The following PPP1CB variants were observed in gnomAD, a reference collection of about 807,000 sequenced individuals.
The protein encoded by PPP1CB is serine/threonine-protein phosphatase PP1-beta catalytic subunit.
In PPP1CB, 2 loss-of-function variants were observed where a neutral mutation model predicts 43.7. That is an observed-to-expected ratio of 0.05 (90% confidence interval 0.02 to 0.14). The LOEUF is 0.14. Among genes scored for constraint, PPP1CB ranks in the 10% least tolerant of loss-of-function variants. PPP1CB has a pLI of 1.00. For missense variants in PPP1CB, 84 were observed against 398.0 expected, an observed-to-expected ratio of 0.21 and a Z score of 6.71; for synonymous variants, 136 against 135.6, an observed-to-expected ratio of 1.00 and a Z score of -0.02.
chr2:28,778,713 G>A, intron 2 of PPP1CB, 96 bp from the exon 3 acceptor site: 2 of 754,650 alleles, frequency 2.7e-6, no homozygotes, highest in East Asian at 2.6e-5. Context: ...CAAGGGTAGG[G>A]GAGGATTACA....
At chr2:28,766,295 T>C (rs1202125354) in intron 1 of PPP1CB, among the ~76,000 whole-genome samples, 1 of 152,216 alleles carries the variant, frequency 6.6e-6, no homozygotes, top group Non-Finnish European at 1.5e-5. Flanking sequence ...CTTTTATTAC[T>C]AACAAATAGT....
chr2:28,764,775 G>T (rs926762583), intron 1 of PPP1CB, among the ~76,000 whole-genome samples: 3 of 152,062 alleles, frequency 2.0e-5, no homozygotes, highest in Non-Finnish European at 4.4e-5. Context: ...CAAAAAATTA[G>T]CTGGGCATGG....
Position 28,783,983 on chromosome 2 carries a change from G to A in PPP1CB, c.592+5G>A. 1.3e-6 allele frequency: 2 copies of A among 1,596,090 alleles called. No individual in the cohort carries two copies. The highest frequency in any genetic ancestry group is 1.7e-6 in the Non-Finnish European group (2 of 1,164,290). ...CTACTGATGTCCCTGATACAGGTAAGTGTAGAGAGAAGTTTAATTGTTTTG... is the reference window on the plus strand; with the variant it reads ...CTACTGATGTCCCTGATACAGGTAAATGTAGAGAGAAGTTTAATTGTTTTG... On this transcript the variant is annotated splice_donor_5th_base_variant and intron_variant, in intron 5 of 7. Coordinates refer to ENST00000395366, the MANE Select transcript of PPP1CB (RefSeq NM_002709.3).
intron 2 of PPP1CB, 34 bp from the exon 3 acceptor site, chr2:28,778,775 C>T (rs1667090197): frequency 7.1e-7 from 1 of 1,414,168 alleles, no homozygotes; most frequent in Admixed American, 1.7e-5. Flanking sequence ...TAACAGTAAC[C>T]AATTTTTCTA....
At chr2:28,794,473 G>C (rs1379135037) in intron 7 of PPP1CB, among the ~76,000 whole-genome samples, 1 of 152,136 alleles carries the variant, frequency 6.6e-6, no homozygotes. Context: ...GGCGGATCAT[G>C]AGGTCAGGTG....
intron 1 of PPP1CB, among the ~76,000 whole-genome samples, chr2:28,757,872 C>T (rs1666528948): frequency 1.3e-5 from 2 of 151,402 alleles, no homozygotes; most frequent in Admixed American, 1.3e-4. Context: ...GATGAAGATT[C>T]GTTGGGATTT....
chr2:28,791,007 G>T (rs1442606078), intron 6 of PPP1CB, among the ~76,000 whole-genome samples: 1 of 152,172 alleles, frequency 6.6e-6, no homozygotes, highest in East Asian at 1.9e-4. Flanking sequence ...ACTTGTTTTT[G>T]AATCTCTGTT....
chr2:28,762,532 G>C (rs1666680105), intron 1 of PPP1CB, among the ~76,000 whole-genome samples: 1 of 152,116 alleles, frequency 6.6e-6, no homozygotes, highest in African/African-American at 2.4e-5. Flanking sequence ...AGAAAAAGGA[G>C]GAGTAGTTTA....
At chr2:28,795,408 C>T (rs531765607) in intron 7 of PPP1CB, among the ~76,000 whole-genome samples, 49 of 152,312 alleles carry the variant, frequency 3.2e-4, no homozygotes, top group African/African-American at 7.9e-4. Context: ...CTGCTTTCCA[C>T]GGTGGCTGAA....
At chr2:28,760,155 A>G (rs544989783) in intron 1 of PPP1CB, among the ~76,000 whole-genome samples, 1 of 152,336 alleles carries the variant, frequency 6.6e-6, no homozygotes, top group African/African-American at 2.4e-5. Flanking sequence ...CAAAAGTTTA[A>G]AAAGTGAAAA....
At chr2:28,795,881 A>G (rs1016542882) in intron 7 of PPP1CB, among the ~76,000 whole-genome samples, 1 of 152,176 alleles carries the variant, frequency 6.6e-6, no homozygotes, top group Non-Finnish European at 1.5e-5. Context: ...GACAGTGTCC[A>G]GAATGGTATT....
At chr2:28,754,375 A>G (rs1359268897) in intron 1 of PPP1CB, among the ~76,000 whole-genome samples, 1 of 151,742 alleles carries the variant, frequency 6.6e-6, no homozygotes, top group Non-Finnish European at 1.5e-5. Context: ...ATTGTAGTCC[A>G]GATACGTTTC....
In PPP1CB at chr2:28,802,068, T is replaced by G. The variant is rs982435384; in HGVS notation, c.*2765T>G. On this transcript the variant is annotated 3_prime_UTR_variant, in exon 8 of 8. Coordinates refer to ENST00000395366, the MANE Select transcript of PPP1CB (RefSeq NM_002709.3). ...GAAATGATTTTTTTTAGCTGAAAAA[T>G]GCTGGCAAGAAGAATTTTAAAGCTT... is the stretch of plus-strand genomic sequence containing the variant. 1 of 152,102 alleles carries G rather than the reference T, an allele frequency of 6.6e-6. No individual in the cohort carries two copies. Among genetic ancestry groups the G allele is most frequent in the Non-Finnish European group, 1.5e-5 (1 of 68,008 alleles). 9.4% of individuals were successfully genotyped at this position (152,102 alleles called of 1,614,324 possible).
chr2:28,780,544 A>G (rs1212648279), intron 3 of PPP1CB, among the ~76,000 whole-genome samples: 4 of 152,242 alleles, frequency 2.6e-5, no homozygotes, highest in Non-Finnish European at 4.4e-5. Context: ...TCCTAAAGCT[A>G]CATCAGAAAT....
chr2:28,770,862 A>G (rs1251293618), intron 1 of PPP1CB, among the ~76,000 whole-genome samples: 1 of 152,220 alleles, frequency 6.6e-6, no homozygotes, highest in Non-Finnish European at 1.5e-5. Context: ...TTTGAAAGAA[A>G]TGACATCACA....
chr2:28,796,709 A>G (rs1667503960), intron 7 of PPP1CB, among the ~76,000 whole-genome samples: 1 of 152,138 alleles, frequency 6.6e-6, no homozygotes, highest in Non-Finnish European at 1.5e-5. Flanking sequence ...GTATAGAATC[A>G]TTATCGTCAG....
Position 28,800,226 on chromosome 2 carries a change from C to CTTTCTT in PPP1CB, c.*926_*927insCTTTTT, listed in dbSNP as rs1553312779. On this transcript the variant is annotated 3_prime_UTR_variant, in exon 8 of 8. Coordinates refer to ENST00000395366, the MANE Select transcript of PPP1CB (RefSeq NM_002709.3). ...TTGGTTTTCTTTTTCTTTTTTCTTT[C>CTTTCTT]TTTTTTTTTTTTTTTTTTTTTTTGA... 1.5e-5 allele frequency: 1 copy of CTTTCTT among 65,628 alleles called. No homozygotes were observed. Among genetic ancestry groups the CTTTCTT allele is most frequent in the African/African-American group, 6.3e-5 (1 of 15,760 alleles). The allele number at this position is 65,628 out of a possible 1,614,324, so 4.1% of individuals were successfully genotyped here. A position where few individuals can be genotyped will look rare whatever the true frequency, so the allele number is the denominator to read the frequency against.
chr2:28,771,668 A>G (rs1014031126), intron 1 of PPP1CB, among the ~76,000 whole-genome samples: 1 of 152,214 alleles, frequency 6.6e-6, no homozygotes, highest in Non-Finnish European at 1.5e-5. Flanking sequence ...TGCTGAATCA[A>G]CTGGGTATCT....
chr2:28,752,006 G>C lies in PPP1CB; in HGVS notation c.-119G>C. On this transcript the variant is annotated 5_prime_UTR_variant, in exon 1 of 8. Coordinates refer to ENST00000395366, the MANE Select transcript of PPP1CB (RefSeq NM_002709.3). The stretch of plus-strand genomic sequence containing the variant: ...GAGGGCCCGGGAAAAGGGGGAGTTG[G>C]AGCCGGGGTCGAAACGCCGCGTGAC... 1 of 972,906 alleles carries C rather than the reference G, an allele frequency of 1.0e-6. No homozygotes were observed. The highest frequency in any genetic ancestry group is 1.6e-6 in the Non-Finnish European group (1 of 622,658). The allele number at this position is 972,906 out of a possible 1,614,324, so 60.3% of individuals were successfully genotyped here. A position where few individuals can be genotyped will look rare whatever the true frequency, so the allele number is the denominator to read the frequency against.
Sources: gnomAD v4.1 joint callset for allele counts (sites outside exome capture counted in the v4.1 genomes callset) on GRCh38, gnomAD v4.1.1 for gene constraint, MANE v1.5 for transcripts, NCBI Gene and HGNC (gene_info 2026-07-23, HGNC 2026-07-21) for gene names.